Variants in TYK2 observed in about 807,000 individuals in gnomAD.
The protein encoded by TYK2 is tyrosine kinase 2.
Under a neutral mutation model 130.9 loss-of-function variants are expected in TYK2, and 65 were observed. The observed-to-expected ratio is 0.50, with a 90% CI of 0.41 to 0.61. The LOEUF (loss-of-function observed/expected upper bound fraction) is 0.61. Among genes scored for constraint, TYK2 ranks in the 20% least tolerant of loss-of-function variants. The pLI is 0.00. For missense variants in TYK2, 1,378 were observed against 1,610.7 expected (o/e 0.86, Z 2.47); for synonymous variants, 647 against 658.9 (o/e 0.98, Z 0.28).
chr19:10,360,645 C>T (rs1043578448), intron 14 of TYK2, among the ~76,000 whole-genome samples: 16 of 147,724 alleles, frequency 1.1e-4, no homozygotes, highest in Admixed American at 5.4e-4. Flanking sequence ...GTCAGGGTGT[C>T]GGCCAGGGTC....
chr19:10,364,034 A>G lies in TYK2; in HGVS notation c.1367+580T>C, dbSNP rs545361474. ...TGATGACATAAGTACCGACAACTTCACGCCCTCAGGCCCACAAGTCACACA... is the reference window on the plus strand; with the variant it reads ...TGATGACATAAGTACCGACAACTTCGCGCCCTCAGGCCCACAAGTCACACA... On this transcript the variant is annotated intron_variant, in intron 9 of 24. Transcript: ENST00000525621. This position sits in a 1 kb window ranked among gnomAD's most constrained non-coding sequence, Gnocchi z 4.9. Among the ~76,000 whole-genome samples, 2 of 152,272 alleles carry G rather than the reference A, an allele frequency of 1.3e-5. No individual in the cohort carries two copies. Among genetic ancestry groups the G allele is most frequent in the East Asian group, 3.9e-4 (2 of 5,176 alleles).
At chr19:10,372,886 T>A (rs547302372) in intron 3 of TYK2, among the ~76,000 whole-genome samples, 6 of 151,850 alleles carry the variant, frequency 4.0e-5, no homozygotes, top group Non-Finnish European at 7.4e-5. Flanking sequence ...CAATATATAT[T>A]TTTTTTAGAT....
At chr19:10,354,384 A>G in intron 19 of TYK2, 128 bp downstream of exon 19, 5 of 1,322,790 alleles carry the variant, frequency 3.8e-6, no homozygotes, top group Non-Finnish European at 5.4e-6. Context: ...CTTGGCACCT[A>G]GGCCTCCCTC....
Position 10,365,735 on chromosome 19 carries a change from G to A in TYK2, c.793C>T (p.Arg265Trp), listed in dbSNP as rs760177831. 6.2e-6 allele frequency: 10 copies of A among 1,612,844 alleles called. No individual in the cohort carries two copies. The highest frequency in any genetic ancestry group is 1.6e-4 in the Middle Eastern group (1 of 6,082). The change falls in exon 7 of 25, where the codon CGG becomes TGG. Residue 265 changes from arginine to tryptophan, a missense_variant. By Grantham distance (101) the Arg-to-Trp change is moderately radical. Coordinates refer to ENST00000525621, the MANE Select transcript of TYK2 (RefSeq NM_003331.5). ...TCTGTGCCGAAGCGGGGTGCCAGCC[G>A]CTCGAGTGTGGCTAGGTATTTGACC... ...VMVKYLATLERLAPRFGTERV... is the reference protein window; with the variant it reads ...VMVKYLATLEWLAPRFGTERV...
In TYK2 at chr19:10,361,781, C is replaced by T. The variant is rs2041416894; in HGVS notation, c.1948G>A (p.Asp650Asn). 5 of 1,613,716 alleles carry T rather than the reference C, an allele frequency of 3.1e-6. No homozygotes were observed. The highest frequency in any genetic ancestry group is 4.2e-6 in the Non-Finnish European group (5 of 1,179,966). Residue 650 changes from aspartate (D) to asparagine (N), a missense_variant, in exon 13 of 25, where the codon GAC (aspartate) becomes AAC (asparagine). Coordinates refer to ENST00000525621, the MANE Select transcript of TYK2 (RefSeq NM_003331.5). This position sits in a 1 kb window ranked among gnomAD's most constrained non-coding sequence, Gnocchi z 4.0. ...CCCTGCCCACTCACCAGGGCGATGTCATGGTGACTAGGGTCCAGCACTTTG... is the reference window on the plus strand; with the variant it reads ...CCCTGCCCACTCACCAGGGCGATGTTATGGTGACTAGGGTCCAGCACTTTG... ...VLKVLDPSHH[D>N]IALAFYETAS...
Position 10,362,410 on chromosome 19 carries a change from T to C in TYK2, c.1523A>G (p.Glu508Gly), listed in dbSNP as rs767598972. Residue 508 changes from glutamate (E) to glycine (G), a missense_variant, in exon 11 of 25, where the codon GAG becomes GGG. Transcript: ENST00000525621. ...CAGCACGAAGGCCCCGTCCTGCTGCTCAATGGGGAACTTTCGGAGCCGCAA... is the reference window on the plus strand; with the variant it reads ...CAGCACGAAGGCCCCGTCCTGCTGCCCAATGGGGAACTTTCGGAGCCGCAA... ...QSLRLRKFPIEQQDGAFVLEG... is the reference protein window; with the variant it reads ...QSLRLRKFPIGQQDGAFVLEG... The C allele has an allele frequency of 5.0e-6, 8 of 1,612,070 alleles. No homozygotes were observed. The Admixed American group carries it at 1.3e-4, about 27-fold the overall frequency.
chr19:10,375,094 G>C (rs2042065307), intron 3 of TYK2, among the ~76,000 whole-genome samples: 2 of 151,896 alleles, frequency 1.3e-5, no homozygotes, highest in East Asian at 1.9e-4. Flanking sequence ...CTTGAGCCTG[G>C]GCAGTTAGAG....
rs770093652 is a variant in TYK2 at position 10,354,092 on chromosome 19, G to A, written c.2858C>T (p.Thr953Met). 15 of 1,614,124 alleles carry A rather than the reference G, an allele frequency of 9.3e-6. No homozygotes were observed. In the South Asian group the frequency reaches 1.4e-4, roughly 15 times the overall value. ...CTTGATGATGTGCTCGTGGTAGAGCGTGCGCAGAATGTCAATCTCCTGCTT... is the reference window on the plus strand; with the variant it reads ...CTTGATGATGTGCTCGTGGTAGAGCATGCGCAGAATGTCAATCTCCTGCTT... ...GWKQEIDILR[T>M]LYHEHIIKYK... Residue 953 changes from threonine (T) to methionine (M), a missense_variant, in exon 20 of 25, where the codon ACG becomes ATG. Coordinates refer to ENST00000525621, the MANE Select transcript of TYK2 (RefSeq NM_003331.5).
At chr19:10,354,021 G>A (rs201443940) in intron 20 of TYK2, 21 bp downstream of exon 20, 4 of 1,613,298 alleles carry the variant, frequency 2.5e-6, no homozygotes, top group African/African-American at 1.3e-5. Context: ...AAGTCTCTAG[G>A]ACTCGCCGGG....
chr19:10,375,401 T>C (rs959514840), intron 3 of TYK2, among the ~76,000 whole-genome samples: 8 of 148,578 alleles, frequency 5.4e-5, no homozygotes, highest in Non-Finnish European at 1.2e-4. Flanking sequence ...GTGGATCACT[T>C]GAGGTCAGAA....
In TYK2 at chr19:10,359,067, A is replaced by ACAAC. The variant is rs1555717804; in HGVS notation, c.2175+107_2175+108insGTTG. The stretch of plus-strand genomic sequence containing the variant: ...GACAGGGCGAAACTCCACCTAAAAC[A>ACAAC]AAACAAACAAAAAAGATGGGGTCTC... On this transcript the variant is annotated intron_variant, in intron 15 of 24. Coordinates refer to ENST00000525621, the MANE Select transcript of TYK2 (RefSeq NM_003331.5). The ACAAC allele has an allele frequency of 6.9e-5, 101 of 1,466,670 alleles. No homozygotes were observed. The African/African-American group carries it at 1.2e-3, about 17-fold the overall frequency. The allele number at this position is 1,466,670 out of a possible 1,614,324, so 90.9% of individuals were successfully genotyped here. A position where few individuals can be genotyped will look rare whatever the true frequency, so the allele number is the denominator to read the frequency against.
At chr19:10,377,746 A>T (rs1239477958) in intron 3 of TYK2, among the ~76,000 whole-genome samples, 1 of 29,402 alleles carries the variant, frequency 3.4e-5, no homozygotes, top group Non-Finnish European at 6.6e-5. Context: ...GGGTGGGTGG[A>T]TAGGTGGGTG....
chr19:10,366,820 G>A (rs1398336878), intron 5 of TYK2, among the ~76,000 whole-genome samples: 3 of 151,796 alleles, frequency 2.0e-5, no homozygotes, highest in East Asian at 1.9e-4. Flanking sequence ...CAAGGCGGGC[G>A]GGTCACCTGA....
Position 10,353,970 on chromosome 19 carries a change from C to G in TYK2, c.2908+72G>C. ...TCTAATTGGCTAGGCCAGACTGGCC[C>G]CGCCCACAAGGCCACACCCACGCTC... is the stretch of plus-strand genomic sequence containing the variant. On this transcript the variant is annotated intron_variant, in intron 20 of 24. Coordinates refer to ENST00000525621, the MANE Select transcript of TYK2 (RefSeq NM_003331.5). The surrounding 1 kb of genome is among the most constrained non-coding windows in gnomAD (Gnocchi z 6.9). 6.6e-7 allele frequency: 1 copy of G among 1,508,142 alleles called. No homozygotes were observed. The highest frequency in any genetic ancestry group is 9.2e-7 in the Non-Finnish European group (1 of 1,090,476). The allele number at this position is 1,508,142 out of a possible 1,614,324, so 93.4% of individuals were successfully genotyped here. A position where few individuals can be genotyped will look rare whatever the true frequency, so the allele number is the denominator to read the frequency against.
intron 15 of TYK2, 152 bp from the exon 16 acceptor site, chr19:10,358,290 TCTTG>T (rs2041211215): frequency 1.4e-6 from 1 of 713,386 alleles, no homozygotes; most frequent in Non-Finnish European, 2.2e-6. Flanking sequence ...GTTATTTTTT[TCTTG>T]TTTTTTTTTT....
At chr19:10,376,187 A>G (rs2042115913) in intron 3 of TYK2, among the ~76,000 whole-genome samples, 1 of 144,980 alleles carries the variant, frequency 6.9e-6, no homozygotes, top group African/African-American at 2.6e-5. Context: ...TACATTTTGT[A>G]TTTTTAGTAG....
intron 23 of TYK2, among the ~76,000 whole-genome samples, chr19:10,352,091 TAGAC>T (rs994246188): frequency 6.7e-6 from 1 of 148,592 alleles, no homozygotes; most frequent in Non-Finnish European, 1.5e-5. Context: ...TGTCCTGTCT[TAGAC>T]GGAGTCTCGC....
chr19:10,354,108 T>C lies in TYK2; in HGVS notation c.2842A>G (p.Ile948Val), dbSNP rs2040959148. The C allele has an allele frequency of 6.2e-7, 1 of 1,614,088 alleles. No homozygotes were observed. Among genetic ancestry groups the C allele is most frequent in the East Asian group, 2.2e-5 (1 of 44,880 alleles). Residue 948 changes from isoleucine to valine, a missense_variant, in exon 20 of 25, where the codon ATT becomes GTT. Physicochemically the swap from Ile to Val is conservative, Grantham distance 29. Coordinates refer to ENST00000525621, the MANE Select transcript of TYK2 (RefSeq NM_003331.5). ...TGGTAGAGCGTGCGCAGAATGTCAA[T>C]CTCCTGCTTCCAGCCCGAGCGGTGC... Reference protein sequence around the residue: ...PQHRSGWKQEIDILRTLYHEH... With the variant: ...PQHRSGWKQEVDILRTLYHEH...
In TYK2 at chr19:10,363,676, A is replaced by G. The variant is rs550742312; in HGVS notation, c.1367+938T>C. On this transcript the variant is annotated intron_variant, in intron 9 of 24. Transcript: ENST00000525621. ...CAGACACAACTAATCACCCAATATG[A>G]CAGGGCAACATAGGGGCCAGGGCAT... 1.6e-4 allele frequency among the ~76,000 whole-genome samples: 24 copies of G among 152,282 alleles called. No homozygotes were observed. In the South Asian group the frequency reaches 3.9e-3, roughly 25 times the overall value.
Sources: gnomAD v4.1 joint callset for allele counts (sites outside exome capture counted in the v4.1 genomes callset) on GRCh38, gnomAD v4.1.1 for gene constraint, Gnocchi (gnomAD v3.1) non-coding constraint, MANE v1.5 for transcripts, NCBI Gene and HGNC (gene_info 2026-07-23, HGNC 2026-07-21) for gene names.